Variants in GRID1 observed in about 807,000 individuals in gnomAD.
The protein encoded by GRID1 is glutamate ionotropic receptor delta type subunit 1.
In GRID1, 28 loss-of-function variants were observed where a neutral mutation model predicts 98.0. The ratio of observed to expected loss-of-function variants is 0.29; its 90% CI spans 0.21 to 0.39. The LOEUF (loss-of-function observed/expected upper bound fraction) is 0.39, where lower values mean the gene tolerates loss of function less well. Among genes scored for constraint, GRID1 ranks in the 10% least tolerant of loss-of-function variants. The pLI, the probability that GRID1 is intolerant of heterozygous loss-of-function variation, is 1.00. For missense variants in GRID1, 1,111 were observed against 1,340.5 expected (o/e 0.83, Z 2.67); for synonymous variants, 553 against 538.5 (o/e 1.03, Z -0.37).
At chr10:86,109,943 C>T (rs1191246546) in intron 4 of GRID1, among the ~76,000 whole-genome samples, 1 of 150,626 alleles carries the variant, frequency 6.6e-6, no homozygotes, top group African/African-American at 2.4e-5. Flanking sequence ...ACAAAGTAAG[C>T]ATTCAATAAA....
intron 8 of GRID1, among the ~76,000 whole-genome samples, chr10:85,828,197 C>T (rs974947647): frequency 3.9e-5 from 6 of 152,100 alleles, no homozygotes; most frequent in African/African-American, 1.4e-4. Context: ...TTTGGGCAAA[C>T]AATGAAATTA....
At chr10:86,330,217 G>A (rs1848119616) in intron 2 of GRID1, among the ~76,000 whole-genome samples, 1 of 151,892 alleles carries the variant, frequency 6.6e-6, no homozygotes, top group Admixed American at 6.6e-5. Flanking sequence ...CCCATCTCGG[G>A]GGTGGTTCAC....
intron 2 of GRID1, among the ~76,000 whole-genome samples, chr10:86,280,056 A>T (rs1315114402): frequency 1.3e-5 from 2 of 152,174 alleles, no homozygotes; most frequent in Admixed American, 6.5e-5. Context: ...TTTAAAAATT[A>T]GCCAGGCATA....
chr10:85,911,424 G>A (rs1387793582), intron 5 of GRID1, among the ~76,000 whole-genome samples: 2 of 152,130 alleles, frequency 1.3e-5, no homozygotes, highest in Non-Finnish European at 2.9e-5. Context: ...GTGAGATGTG[G>A]AGTCACCGAC....
At chr10:85,850,909 C>T (rs1394635111) in intron 8 of GRID1, among the ~76,000 whole-genome samples, 1 of 152,192 alleles carries the variant, frequency 6.6e-6, no homozygotes, top group Admixed American at 6.5e-5. Context: ...GTCAATGAGA[C>T]AACATACGTA....
Position 85,905,204 on chromosome 10 carries a change from A to T in GRID1, c.780+10982T>A, listed in dbSNP as rs998016027. Among the ~76,000 whole-genome samples, 4 of 152,258 alleles carry T rather than the reference A, an allele frequency of 2.6e-5. No individual in the cohort carries two copies. In the East Asian group the frequency reaches 7.7e-4, roughly 29 times the overall value. On this transcript the variant is annotated intron_variant, in intron 5 of 15. Transcript: ENST00000327946. ...TCAGATGCTTATCAGTAATAATATG[A>T]GGAGGAAGATAGTAAGGCAACATTT... is the stretch of plus-strand genomic sequence containing the variant.
At chr10:85,609,860 A>T (rs1046175463) in intron 15 of GRID1, among the ~76,000 whole-genome samples, 2 of 152,220 alleles carry the variant, frequency 1.3e-5, no homozygotes, top group African/African-American at 4.8e-5. Context: ...CACATCCCCC[A>T]TAAATCTAGC....
At chr10:86,251,349 C>CT (rs1471693550) in intron 2 of GRID1, among the ~76,000 whole-genome samples, 3 of 43,314 alleles carry the variant, frequency 6.9e-5, no homozygotes, top group African/African-American at 2.4e-4. Context: ...TCAATAAATA[C>CT]TAAAAAAAAA....
In GRID1 at chr10:85,865,920, T is replaced by TATATATATATAC. The variant is rs1241560632; in HGVS notation, c.951+3089_951+3090insGTATATATATAT. ...AGTGTTTTACATATATACATATATA[T>TATATATATATAC]ATATATATATATATATATATATACA... On this transcript the variant is annotated intron_variant, in intron 6 of 15. Coordinates refer to ENST00000327946, the MANE Select transcript of GRID1 (RefSeq NM_017551.3). Among the ~76,000 whole-genome samples, 45 of 109,422 alleles carry TATATATATATAC rather than the reference T, an allele frequency of 4.1e-4. 1 individual carries two copies. The highest frequency in any genetic ancestry group is 1.6e-3 in the African/African-American group (43 of 26,276). The allele number at this position is 109,422 out of a possible 152,430, so 71.8% of individuals were successfully genotyped here.
chr10:86,203,435 G>C (rs1315598111), intron 3 of GRID1, among the ~76,000 whole-genome samples: 1 of 151,904 alleles, frequency 6.6e-6, no homozygotes, highest in African/African-American at 2.4e-5. Flanking sequence ...CAGCAGATAG[G>C]CTGAGCTGCC....
At chr10:86,179,812 C>T (rs1391484510) in intron 3 of GRID1, among the ~76,000 whole-genome samples, 1 of 152,210 alleles carries the variant, frequency 6.6e-6, no homozygotes, top group Non-Finnish European at 1.5e-5. Flanking sequence ...ACCACCACAA[C>T]ATGATCCTCC....
intron 8 of GRID1, among the ~76,000 whole-genome samples, chr10:85,835,313 T>A (rs894832239): frequency 6.6e-6 from 1 of 152,324 alleles, no homozygotes; most frequent in African/African-American, 2.4e-5. Flanking sequence ...ACACAATTGA[T>A]ATGGTTTGGC....
chr10:86,317,470 C>T (rs764230756), intron 2 of GRID1, among the ~76,000 whole-genome samples: 5 of 152,156 alleles, frequency 3.3e-5, no homozygotes, highest in African/African-American at 4.8e-5. Context: ...TTTCAATTAC[C>T]CACAATTACA....
intron 12 of GRID1, among the ~76,000 whole-genome samples, chr10:85,715,949 C>T (rs999686719): frequency 6.6e-6 from 1 of 151,656 alleles, no homozygotes; most frequent in East Asian, 1.9e-4. Context: ...CTCTATTGCC[C>T]AGGCTGGAGT....
chr10:86,164,142 T>C (rs548242308), intron 3 of GRID1, among the ~76,000 whole-genome samples: 12 of 152,302 alleles, frequency 7.9e-5, no homozygotes, highest in Non-Finnish European at 1.6e-4. Flanking sequence ...AGTGAATAGA[T>C]TACCCGCTTC....
intron 8 of GRID1, among the ~76,000 whole-genome samples, chr10:85,785,445 G>A (rs1842419191): frequency 6.6e-6 from 1 of 152,152 alleles, no homozygotes; most frequent in Non-Finnish European, 1.5e-5. Context: ...GAAAAGTGGG[G>A]ACTAGGAAGG....
At chr10:85,802,648 G>A (rs1388008237) in intron 8 of GRID1, among the ~76,000 whole-genome samples, 1 of 151,852 alleles carries the variant, frequency 6.6e-6, no homozygotes, top group African/African-American at 2.4e-5. Flanking sequence ...TCCTAATCCT[G>A]GTCATAACAG....
intron 13 of GRID1, among the ~76,000 whole-genome samples, chr10:85,625,127 T>C (rs185986913): frequency 9.2e-5 from 14 of 152,346 alleles, no homozygotes; most frequent in African/African-American, 2.9e-4. Flanking sequence ...TTCTAAAAGA[T>C]TGATCATCAC....
chr10:85,832,574 C>T (rs1842876775), intron 8 of GRID1, among the ~76,000 whole-genome samples: 1 of 152,160 alleles, frequency 6.6e-6, no homozygotes, highest in Non-Finnish European at 1.5e-5. Context: ...TCTCCCTGCT[C>T]TTCTCTGCTA....
Sources: gnomAD v4.1 joint callset for allele counts (sites outside exome capture counted in the v4.1 genomes callset) on GRCh38, gnomAD v4.1.1 for gene constraint, MANE v1.5 for transcripts, NCBI Gene and HGNC (gene_info 2026-07-23, HGNC 2026-07-21) for gene names.